Variants in KLHL24 observed in about 807,000 individuals in gnomAD.
KLHL24 encodes the protein kelch like family member 24, also known as kelch-like protein 24.
KLHL24 carries 29 observed loss-of-function variants against 53.4 expected under a neutral mutation model. That is an observed-to-expected ratio of 0.54 (90% CI 0.40 to 0.74). KLHL24 has a LOEUF of 0.74. Among genes scored for constraint, KLHL24 ranks in the 30% least tolerant of loss-of-function variants. KLHL24 has a pLI of 0.00. For missense variants in KLHL24, 504 were observed against 744.0 expected (o/e 0.68, Z 3.75); for synonymous variants, 222 against 253.7 (o/e 0.88, Z 1.19).
chr3:183,655,631 A>G (rs1718741745), intron 3 of KLHL24, among the ~76,000 whole-genome samples: 1 of 152,024 alleles, frequency 6.6e-6, no homozygotes. Flanking sequence ...CCTGACTCAA[A>G]AAAATTCTAC....
At chr3:183,673,334 A>G (rs1721615980) in intron 7 of KLHL24, among the ~76,000 whole-genome samples, 1 of 152,196 alleles carries the variant, frequency 6.6e-6, no homozygotes, top group African/African-American at 2.4e-5. Flanking sequence ...CATTTTATTG[A>G]AATAACTTCC....
chr3:183,660,792 T>C (rs1223539582), intron 3 of KLHL24, among the ~76,000 whole-genome samples: 2 of 151,992 alleles, frequency 1.3e-5, no homozygotes, highest in Non-Finnish European at 2.9e-5. Context: ...GAGCCGCAGC[T>C]CACGCCTGTA....
chr3:183,680,552 GTCTT>G lies in KLHL24; in HGVS notation c.*1269_*1272del, dbSNP rs1712572394. 6.6e-6 allele frequency: 1 copy of G among 152,166 alleles called. No individual in the cohort carries two copies. The highest frequency in any genetic ancestry group is 2.4e-5 in the African/African-American group (1 of 41,434). 9.4% of individuals were successfully genotyped at this position (152,166 alleles called of 1,614,324 possible). On this transcript the variant is annotated 3_prime_UTR_variant, in exon 8 of 8. Coordinates refer to ENST00000242810, the MANE Select transcript of KLHL24 (RefSeq NM_017644.3). ...GCAGTAGTTCCCATCTTTAAGGTAA[GTCTT>G]TCATTTGGTCCCCATTGTGTAAAAT...
intron 5 of KLHL24, among the ~76,000 whole-genome samples, chr3:183,665,870 A>G (rs2108852893): frequency 6.6e-6 from 1 of 151,436 alleles, no homozygotes; most frequent in East Asian, 1.9e-4. Flanking sequence ...TGTCTGTAGG[A>G]ACCTGAGAAT....
intron 1 of KLHL24, among the ~76,000 whole-genome samples, chr3:183,641,774 C>T (rs1181966320): frequency 6.6e-6 from 1 of 152,032 alleles, no homozygotes; most frequent in Non-Finnish European, 1.5e-5. Flanking sequence ...TGTTAGTAAC[C>T]TCATCGTATA....
Position 183,684,246 on chromosome 3 carries a change from A to G in KLHL24, c.*4960A>G, listed in dbSNP as rs188834530. The G allele has an allele frequency of 6.6e-6, 1 of 152,572 alleles. No individual in the cohort carries two copies. The highest frequency in any genetic ancestry group is 1.9e-4 in the East Asian group (1 of 5,188). 9.5% of individuals were successfully genotyped at this position (152,572 alleles called of 1,614,324 possible). A position where few individuals can be genotyped will look rare whatever the true frequency, so the allele number is the denominator to read the frequency against. On this transcript the variant is annotated 3_prime_UTR_variant, in exon 8 of 8. Coordinates refer to ENST00000242810, the MANE Select transcript of KLHL24 (RefSeq NM_017644.3). ...GTTGTTGGAGCTCTAAGACAATACA[A>G]ATTTAGAGTTGAACAAAAGTATAAT...
Position 183,683,731 on chromosome 3 carries a change from A to G in KLHL24, c.*4445A>G, listed in dbSNP as rs2108920033. The stretch of plus-strand genomic sequence containing the variant: ...GTTCCAAAGAAAAGAATTTGTTTTA[A>G]TGGTTTCAAAATAACTGCACCTGAA... On this transcript the variant is annotated 3_prime_UTR_variant, in exon 8 of 8. Coordinates refer to ENST00000242810, the MANE Select transcript of KLHL24 (RefSeq NM_017644.3). 1 of 152,770 alleles carries G rather than the reference A, an allele frequency of 6.5e-6. No individual in the cohort carries two copies. Among genetic ancestry groups the G allele is most frequent in the Non-Finnish European group, 1.5e-5 (1 of 68,014 alleles). The allele number at this position is 152,770 out of a possible 1,614,324, so 9.5% of individuals were successfully genotyped here. A position where few individuals can be genotyped will look rare whatever the true frequency, so the allele number is the denominator to read the frequency against.
intron 1 of KLHL24, among the ~76,000 whole-genome samples, chr3:183,640,842 C>T (rs915030166): frequency 5.9e-5 from 9 of 151,980 alleles, no homozygotes; most frequent in South Asian, 2.1e-4. Context: ...CCTCGTGATC[C>T]GCCTGCCTCA....
chr3:183,636,054 C>G (rs943193054), intron 1 of KLHL24, among the ~76,000 whole-genome samples: 2 of 146,578 alleles, frequency 1.4e-5, no homozygotes, highest in Non-Finnish European at 3.0e-5. Context: ...AACCGCGGCG[C>G]GGCTGGTGCG....
In KLHL24 at chr3:183,665,971, C is replaced by G. The variant is rs1415373652; in HGVS notation, c.1224+932C>G. Among the ~76,000 whole-genome samples, 4 of 150,638 alleles carry G rather than the reference C, an allele frequency of 2.7e-5. No homozygotes were observed. The Admixed American group carries it at 2.7e-4, about 10-fold the overall frequency. ...TTATCTAGCTCACTGCAACTTCTGC[C>G]TCCCCAGTGCAAGTGATTCTCCTGC... On this transcript the variant is annotated intron_variant, in intron 5 of 7. Transcript: ENST00000242810.
rs1462901634 is a variant in KLHL24 at position 183,681,987 on chromosome 3, C to CA, written c.*2707dup. On this transcript the variant is annotated 3_prime_UTR_variant, in exon 8 of 8. Coordinates refer to ENST00000242810, the MANE Select transcript of KLHL24 (RefSeq NM_017644.3). ...AATTTTAGCAGTCTGTGATGATCAG[C>CA]AAAAAAGCACATAAAGTAAAAATTA... is the stretch of plus-strand genomic sequence containing the variant. 6.6e-6 allele frequency: 1 copy of CA among 152,170 alleles called. No individual in the cohort carries two copies. Among genetic ancestry groups the CA allele is most frequent in the Non-Finnish European group, 1.5e-5 (1 of 67,918 alleles). The allele number at this position is 152,170 out of a possible 1,614,324, so 9.4% of individuals were successfully genotyped here.
rs79413197 is a variant in KLHL24 at position 183,637,525 on chromosome 3, A to G, written c.-125+1732A>G. Among the ~76,000 whole-genome samples the G allele has an allele frequency of 2.4e-3, 360 of 152,342 alleles. 1 individual carries two copies. The highest frequency in any genetic ancestry group is 8.5e-3 in the African/African-American group (352 of 41,578). ...TGACGGTAATAAAATCTTCAAGACCAATCATTTTTAGCCATAGTGTGTTGA... is the reference window on the plus strand; with the variant it reads ...TGACGGTAATAAAATCTTCAAGACCGATCATTTTTAGCCATAGTGTGTTGA... On this transcript the variant is annotated intron_variant, in intron 1 of 7. Coordinates refer to ENST00000242810, the MANE Select transcript of KLHL24 (RefSeq NM_017644.3).
Position 183,683,658 on chromosome 3 carries a change from T to G in KLHL24, c.*4372T>G, listed in dbSNP as rs2108919855. The G allele has an allele frequency of 6.5e-6, 1 of 152,776 alleles. No homozygotes were observed. The highest frequency in any genetic ancestry group is 1.5e-5 in the Non-Finnish European group (1 of 68,030). The allele number at this position is 152,776 out of a possible 1,614,324, so 9.5% of individuals were successfully genotyped here. ...TGTGATTGCCTTAGATATTAAATTT[T>G]CCTAGTGCTGATAAAAACAGCAACA... On this transcript the variant is annotated 3_prime_UTR_variant, in exon 8 of 8. Transcript: ENST00000242810.
chr3:183,674,585 C>T (rs2108889621), intron 7 of KLHL24, among the ~76,000 whole-genome samples: 1 of 152,278 alleles, frequency 6.6e-6, no homozygotes, highest in Admixed American at 6.5e-5. Context: ...TGGTCTCAAA[C>T]TCCTGACCTT....
At chr3:183,642,011 G>A (rs1716521670) in intron 1 of KLHL24, among the ~76,000 whole-genome samples, 1 of 152,102 alleles carries the variant, frequency 6.6e-6, no homozygotes, top group Non-Finnish European at 1.5e-5. Flanking sequence ...GTTATGAGAG[G>A]CTCTATTCCA....
At chr3:183,644,234 T>C (rs568857073) in intron 2 of KLHL24, 1 of 152,120 alleles carries the variant, frequency 6.6e-6, no homozygotes, top group Admixed American at 6.6e-5. Flanking sequence ...GCCCAGCTAA[T>C]CTTTGTATTA....
In KLHL24 at chr3:183,679,362, C is replaced by A; in HGVS notation, c.*76C>A. The A allele has an allele frequency of 9.6e-7, 1 of 1,046,022 alleles. No homozygotes were observed. Among genetic ancestry groups the A allele is most frequent in the South Asian group, 1.3e-5 (1 of 74,294 alleles). 64.8% of individuals were successfully genotyped at this position (1,046,022 alleles called of 1,614,324 possible). On this transcript the variant is annotated 3_prime_UTR_variant, in exon 8 of 8. Coordinates refer to ENST00000242810, the MANE Select transcript of KLHL24 (RefSeq NM_017644.3). ...TAAAAACTCTACAGTGGGAACTTCACATATCTCCTTTGTGCCATATGCAAA... is the reference window on the plus strand; with the variant it reads ...TAAAAACTCTACAGTGGGAACTTCAAATATCTCCTTTGTGCCATATGCAAA...
Position 183,683,764 on chromosome 3 carries a change from ATGTGC to A in KLHL24, c.*4479_*4483del, listed in dbSNP as rs1712924825. ...AAAATAACTGCACCTGAATTTGTTT[ATGTGC>A]CTTAAGTTCTCTAGTGCTATTTCAA... On this transcript the variant is annotated 3_prime_UTR_variant, in exon 8 of 8. Coordinates refer to ENST00000242810, the MANE Select transcript of KLHL24 (RefSeq NM_017644.3). The A allele has an allele frequency of 6.6e-6, 1 of 152,632 alleles. No individual in the cohort carries two copies. The highest frequency in any genetic ancestry group is 2.4e-5 in the African/African-American group (1 of 41,446). 9.5% of individuals were successfully genotyped at this position (152,632 alleles called of 1,614,324 possible). A position where few individuals can be genotyped will look rare whatever the true frequency, so the allele number is the denominator to read the frequency against.
At chr3:183,675,588 T>G (rs1711703126) in intron 7 of KLHL24, among the ~76,000 whole-genome samples, 1 of 152,084 alleles carries the variant, frequency 6.6e-6, no homozygotes, top group African/African-American at 2.4e-5. Context: ...AAGCTGCTTT[T>G]TATTGGTTTA....
Sources: allele counts gnomAD v4.1 joint callset (sites outside exome capture counted in the v4.1 genomes callset), GRCh38; gene constraint gnomAD v4.1.1; transcripts MANE v1.5; gene names NCBI Gene and HGNC (gene_info 2026-07-23, HGNC 2026-07-21).